XRCC4: variants seen among roughly 807,000 people sequenced by gnomAD.
The protein encoded by XRCC4 is DNA repair protein XRCC4.
In XRCC4, 28 loss-of-function variants were observed where a neutral mutation model predicts 39.1. That is an observed-to-expected ratio of 0.72 (90% CI 0.53 to 0.98). The LOEUF (loss-of-function observed/expected upper bound fraction) is 0.98, where lower values mean the gene tolerates loss of function less well. Among genes scored for constraint, XRCC4 ranks in the 50% least tolerant of loss-of-function variants. XRCC4 has a pLI of 0.00. For missense variants in XRCC4, 350 were observed against 376.4 expected, an observed-to-expected ratio of 0.93 and a Z score of 0.58; for synonymous variants, 123 against 126.4, an observed-to-expected ratio of 0.97 and a Z score of 0.18.
At chr5:83,217,633 T>A (rs536629925) in intron 6 of XRCC4, among the ~76,000 whole-genome samples, 18 of 152,300 alleles carry the variant, frequency 1.2e-4, no homozygotes, top group Admixed American at 1.0e-3. Flanking sequence ...AGGATGCAGA[T>A]GTCAGCAGAA....
At chr5:83,368,658 C>A in the XRCC4 span, among the ~76,000 whole-genome samples, 2 of 152,210 alleles carry the variant, frequency 1.3e-5, no homozygotes, top group Non-Finnish European at 2.9e-5. Context: ...AACTGTGGGT[C>A]ATCAGCGAGC....
chr5:83,264,045 A>G (rs1753865845), intron 7 of XRCC4, among the ~76,000 whole-genome samples: 1 of 152,206 alleles, frequency 6.6e-6, no homozygotes, highest in Non-Finnish European at 1.5e-5. Flanking sequence ...ATTTCAGCCC[A>G]GTATTTCCCC....
At chr5:83,086,589 CTGGGCTGGCAGA>C (rs1341328264) in intron 1 of XRCC4, among the ~76,000 whole-genome samples, 3 of 152,102 alleles carry the variant, frequency 2.0e-5, no homozygotes, top group African/African-American at 7.2e-5. Context: ...CTTGCTGTCT[CTGGGCTGGCAGA>C]GGTGGCAGAG....
At chr5:83,165,318 C>CTT (rs10658388) in intron 3 of XRCC4, among the ~76,000 whole-genome samples, 2 of 151,394 alleles carry the variant, frequency 1.3e-5, no homozygotes, top group Non-Finnish European at 3.0e-5. Context: ...AATCAATAGA[C>CTT]ATTGATTTAT....
intron 6 of XRCC4, among the ~76,000 whole-genome samples, chr5:83,208,912 T>C (rs1358526496): frequency 6.6e-6 from 1 of 152,126 alleles, no homozygotes; most frequent in African/African-American, 2.4e-5. Flanking sequence ...GTATTTCACT[T>C]TGTTTTATAT....
chr5:83,264,954 G>A (rs1024887081), intron 7 of XRCC4, among the ~76,000 whole-genome samples: 1 of 152,066 alleles, frequency 6.6e-6, no homozygotes, highest in Non-Finnish European at 1.5e-5. Flanking sequence ...TCACAACAGT[G>A]TTTGCCTTTT....
At chr5:83,325,698 C>G (rs996949614) in intron 7 of XRCC4, among the ~76,000 whole-genome samples, 1 of 152,006 alleles carries the variant, frequency 6.6e-6, no homozygotes, top group Non-Finnish European at 1.5e-5. Context: ...TTTTCTTTTT[C>G]CAGTCTATCA....
At chr5:83,122,153 T>C (rs1195344050) in intron 3 of XRCC4, among the ~76,000 whole-genome samples, 1 of 152,214 alleles carries the variant, frequency 6.6e-6, no homozygotes, top group Non-Finnish European at 1.5e-5. Context: ...TTTGCTTTAG[T>C]TATCTATTAT....
rs574869977 is a variant in XRCC4 at position 83,344,137 on chromosome 5, C to CA, written c.894-8993dup. Among the ~76,000 whole-genome samples the CA allele has an allele frequency of 4.1e-3, 621 of 151,388 alleles. 8 individuals are homozygous for CA. Among genetic ancestry groups the CA allele is most frequent in the South Asian group, 0.02 (98 of 4,784 alleles). ...GATACACTGACACAGATCTCACACA[C>CA]ACACACACACACACACACACACACT... On this transcript the variant is annotated intron_variant, in intron 7 of 7. Transcript: ENST00000396027.
chr5:83,327,998 T>G (rs1360667675), intron 7 of XRCC4, among the ~76,000 whole-genome samples: 1 of 152,128 alleles, frequency 6.6e-6, no homozygotes, highest in Non-Finnish European at 1.5e-5. Context: ...TCCGTTTTCA[T>G]GCTGCTGATA....
At chr5:83,367,963 G>A in the XRCC4 span, among the ~76,000 whole-genome samples, 1 of 151,840 alleles carries the variant, frequency 6.6e-6, no homozygotes, top group Non-Finnish European at 1.5e-5. Context: ...ACACAGGTGT[G>A]GAACTGGTTC....
At chr5:83,257,101 A>G (rs1406884239) in intron 6 of XRCC4, among the ~76,000 whole-genome samples, 4 of 152,214 alleles carry the variant, frequency 2.6e-5, no homozygotes, top group Non-Finnish European at 1.5e-5. Flanking sequence ...CAAGTAAAGC[A>G]TGAACTACAC....
intron 7 of XRCC4, among the ~76,000 whole-genome samples, chr5:83,304,631 G>A (rs1755413838): frequency 6.6e-6 from 1 of 152,076 alleles, no homozygotes; most frequent in South Asian, 2.1e-4. Context: ...GAAGATTTGA[G>A]TATCCATACA....
chr5:83,102,168 AT>A (rs1453456373), intron 1 of XRCC4, among the ~76,000 whole-genome samples: 1 of 152,136 alleles, frequency 6.6e-6, no homozygotes, highest in African/African-American at 2.4e-5. Context: ...TTAATTGTTT[AT>A]AATACAACTA....
At chr5:83,301,959 G>C (rs751471775) in intron 7 of XRCC4, among the ~76,000 whole-genome samples, 1 of 152,132 alleles carries the variant, frequency 6.6e-6, no homozygotes, top group Non-Finnish European at 1.5e-5. Context: ...CCAGTACCAT[G>C]CTCGTTTGGT....
intron 3 of XRCC4, among the ~76,000 whole-genome samples, chr5:83,164,000 T>C (rs1224958198): frequency 6.6e-6 from 1 of 152,162 alleles, no homozygotes; most frequent in African/African-American, 2.4e-5. Flanking sequence ...ATGTCAAAGA[T>C]CTTGTGTGTA....
At chr5:83,168,828 C>T (rs1429574461) in intron 3 of XRCC4, among the ~76,000 whole-genome samples, 3 of 152,032 alleles carry the variant, frequency 2.0e-5, no homozygotes, top group Admixed American at 2.0e-4. Context: ...CAGAACTTGC[C>T]GCTAATGAAT....
chr5:83,247,719 C>T (rs1035237200), intron 6 of XRCC4, among the ~76,000 whole-genome samples: 1 of 152,046 alleles, frequency 6.6e-6, no homozygotes, highest in Non-Finnish European at 1.5e-5. Flanking sequence ...AAACTGTATA[C>T]TGTGGTATTT....
At chr5:83,165,577 A>G (rs1046947336) in intron 3 of XRCC4, among the ~76,000 whole-genome samples, 3 of 152,078 alleles carry the variant, frequency 2.0e-5, no homozygotes, top group Admixed American at 6.6e-5. Context: ...TTCACCACCC[A>G]TGTATTAAGC....
Sources: gnomAD v4.1 joint callset for allele counts (sites outside exome capture counted in the v4.1 genomes callset) on GRCh38, gnomAD v4.1.1 for gene constraint, MANE v1.5 for transcripts, NCBI Gene and HGNC (gene_info 2026-07-23, HGNC 2026-07-21) for gene names.